Variants in AMBRA1 observed in about 807,000 individuals in gnomAD.
AMBRA1 encodes the protein activating molecule in BECN1-regulated autophagy protein 1.
Under a neutral mutation model 125.4 loss-of-function variants are expected in AMBRA1, and 47 were observed. The ratio of observed to expected loss-of-function variants is 0.37; its 90% CI spans 0.30 to 0.48. The LOEUF (loss-of-function observed/expected upper bound fraction) is 0.48, where lower values mean the gene tolerates loss of function less well. Among genes scored for constraint, AMBRA1 ranks in the 20% least tolerant of loss-of-function variants. The pLI is 0.99. For synonymous variants in AMBRA1, 626 were observed against 655.5 expected (o/e 0.95, Z 0.69); for missense variants, 1,331 against 1,693.4 (o/e 0.79, Z 3.76).
intron 17 of AMBRA1, among the ~76,000 whole-genome samples, chr11:46,402,493 C>G (rs925931077): frequency 1.3e-5 from 2 of 152,166 alleles, no homozygotes; most frequent in African/African-American, 2.4e-5. Context: ...TCCCGAGTAG[C>G]TGGGATTACA....
chr11:46,553,941 T>A (rs1200184220), intron 1 of AMBRA1, among the ~76,000 whole-genome samples: 3 of 152,100 alleles, frequency 2.0e-5, no homozygotes, highest in African/African-American at 4.8e-5. Context: ...AGGCTAAGGA[T>A]GAACTAACTG....
At chr11:46,426,016 G>A (rs1384337794) in intron 14 of AMBRA1, among the ~76,000 whole-genome samples, 6 of 145,432 alleles carry the variant, frequency 4.1e-5, no homozygotes, top group Non-Finnish European at 6.0e-5. Context: ...GCGTGGTGGC[G>A]GGCTCCTGTA....
intron 9 of AMBRA1, among the ~76,000 whole-genome samples, chr11:46,496,641 G>T (rs765368607): frequency 1.7e-4 from 26 of 152,142 alleles, no homozygotes; most frequent in Non-Finnish European, 2.8e-4. Flanking sequence ...GTGCCCAAAG[G>T]TAACACAGAG....
intron 14 of AMBRA1, among the ~76,000 whole-genome samples, chr11:46,420,192 A>G (rs754407686): frequency 3.3e-5 from 5 of 152,182 alleles, no homozygotes; most frequent in Non-Finnish European, 7.3e-5. Context: ...GGAACCTCCT[A>G]CACCCTTCCT....
At chr11:46,411,258 A>C (rs1946282595) in intron 15 of AMBRA1, among the ~76,000 whole-genome samples, 1 of 152,214 alleles carries the variant, frequency 6.6e-6, no homozygotes, top group South Asian at 2.1e-4. Flanking sequence ...CTCCTTTAAC[A>C]ACAGAAGTTA....
At chr11:46,432,572 G>T (rs1005979562) in intron 14 of AMBRA1, among the ~76,000 whole-genome samples, 2 of 152,076 alleles carry the variant, frequency 1.3e-5, no homozygotes, top group Non-Finnish European at 2.9e-5. Flanking sequence ...ATATTCAACA[G>T]CCATCTACAT....
At chr11:46,571,655 G>A (rs1254287414) in intron 1 of AMBRA1, among the ~76,000 whole-genome samples, 1 of 150,800 alleles carries the variant, frequency 6.6e-6, no homozygotes, top group Non-Finnish European at 1.5e-5. Flanking sequence ...TAGCCTAGGT[G>A]ACAGAATGAG....
intron 13 of AMBRA1, among the ~76,000 whole-genome samples, chr11:46,434,394 G>A (rs1300610382): frequency 1.5e-4 from 7 of 46,180 alleles, no homozygotes; most frequent in African/African-American, 5.8e-4. Flanking sequence ...CCACCCTCCC[G>A]CAAAACAAAC....
At chr11:46,568,414 T>C (rs2043618718) in intron 1 of AMBRA1, among the ~76,000 whole-genome samples, 1 of 151,016 alleles carries the variant, frequency 6.6e-6, no homozygotes, top group Non-Finnish European at 1.5e-5. Flanking sequence ...GCTGAGATCA[T>C]GCCATTGCAC....
chr11:46,418,576 G>A (rs1946688353), intron 14 of AMBRA1, among the ~76,000 whole-genome samples: 1 of 151,528 alleles, frequency 6.6e-6, no homozygotes, highest in African/African-American at 2.4e-5. Context: ...ACAGGCCCCG[G>A]TGTGTGATGT....
At chr11:46,568,138 ACT>A (rs2043603400) in intron 1 of AMBRA1, among the ~76,000 whole-genome samples, 1 of 150,338 alleles carries the variant, frequency 6.7e-6, no homozygotes, top group Non-Finnish European at 1.5e-5. Flanking sequence ...ACAGAGTGAG[ACT>A]CTGTCTTAAA....
At chr11:46,484,846 C>T (rs974827275) in intron 11 of AMBRA1, among the ~76,000 whole-genome samples, 4 of 151,094 alleles carry the variant, frequency 2.6e-5, no homozygotes, top group African/African-American at 4.9e-5. Context: ...GGGGTTTCAC[C>T]GTGTTAGCCA....
chr11:46,559,809 G>A lies in AMBRA1; in HGVS notation c.-120-11309C>T, dbSNP rs367679091. On this transcript the variant is annotated intron_variant, in intron 1 of 17. Transcript: ENST00000683756. ...ATAATCTTGGACAAATCATATCCTC[G>A]CTGAATTTCAAGTTTTCCTCCAATA... 1.1e-3 allele frequency among the ~76,000 whole-genome samples: 166 copies of A among 152,166 alleles called. 2 individuals are homozygous for A. The South Asian group carries it at 0.032, about 29-fold the overall frequency.
intron 11 of AMBRA1, among the ~76,000 whole-genome samples, chr11:46,448,920 A>G (rs900325864): frequency 6.6e-6 from 1 of 152,226 alleles, no homozygotes; most frequent in Non-Finnish European, 1.5e-5. Context: ...AAATAGGCCT[A>G]TATCTATTAA....
chr11:46,483,482 A>G (rs867893134), intron 11 of AMBRA1, among the ~76,000 whole-genome samples: 2 of 152,222 alleles, frequency 1.3e-5, no homozygotes, highest in African/African-American at 4.8e-5. Flanking sequence ...ACTTTGGTAG[A>G]AAAGGTAAGA....
At chr11:46,412,266 C>G (rs1241088983) in intron 15 of AMBRA1, among the ~76,000 whole-genome samples, 1 of 152,170 alleles carries the variant, frequency 6.6e-6, no homozygotes. Context: ...ATTACTTGCA[C>G]TAATACAATG....
intron 14 of AMBRA1, among the ~76,000 whole-genome samples, chr11:46,424,943 T>C (rs1223944249): frequency 6.6e-6 from 1 of 152,086 alleles, no homozygotes; most frequent in East Asian, 1.9e-4. Context: ...AAGACCAGCC[T>C]GACCAAGATG....
rs760490717 is a variant in AMBRA1 at position 46,557,136 on chromosome 11, C to CA, written c.-120-8637dup. On this transcript the variant is annotated intron_variant, in intron 1 of 17. Transcript: ENST00000683756. ...GGGCAACAAGAGCGAAACTCCATCT[C>CA]AAAAAAAAAAAAAAATTAGCCAGGC... 3.5e-3 allele frequency among the ~76,000 whole-genome samples: 398 copies of CA among 113,186 alleles called. 5 individuals carry two copies. Among genetic ancestry groups the CA allele is most frequent in the Admixed American group, 0.02 (222 of 10,878 alleles). 74.3% of individuals were successfully genotyped at this position (113,186 alleles called of 152,430 possible). A position where few individuals can be genotyped will look rare whatever the true frequency, so the allele number is the denominator to read the frequency against.
chr11:46,404,451 A>G (rs1945907834), intron 17 of AMBRA1, among the ~76,000 whole-genome samples: 1 of 152,216 alleles, frequency 6.6e-6, no homozygotes, highest in African/African-American at 2.4e-5. Context: ...CCTCAGAGCA[A>G]GGCTCCTTGC....
Sources: allele counts gnomAD v4.1 joint callset (sites outside exome capture counted in the v4.1 genomes callset), GRCh38; gene constraint gnomAD v4.1.1; transcripts MANE v1.5; gene names NCBI Gene and HGNC (gene_info 2026-07-23, HGNC 2026-07-21).